POMT2: variants seen among roughly 807,000 people sequenced by gnomAD.
POMT2 encodes the protein protein O-mannosyl-transferase 2.
POMT2 carries 75 observed loss-of-function variants against 100.0 expected under a neutral mutation model. That is an observed-to-expected ratio of 0.75 (90% CI 0.62 to 0.91). The LOEUF is 0.91. Among genes scored for constraint, POMT2 ranks in the 40% least tolerant of loss-of-function variants. The pLI, the probability that POMT2 is intolerant of heterozygous loss-of-function variation, is 0.00. For synonymous variants in POMT2, 378 were observed against 374.1 expected, an observed-to-expected ratio of 1.01 and a Z score of -0.12; for missense variants, 940 against 955.1, an observed-to-expected ratio of 0.98 and a Z score of 0.21.
At chr14:77,304,935 T>C in intron 3 of POMT2, 135 bp from the exon 4 acceptor site, 3 of 1,437,562 alleles carry the variant, frequency 2.1e-6, no homozygotes, top group South Asian at 2.5e-5. Flanking sequence ...TCACCTAGGA[T>C]ATCTATAACT....
In POMT2 at chr14:77,278,749, A is replaced by G. The variant is rs1890082324; in HGVS notation, c.2012T>C (p.Leu671Pro). The stretch of plus-strand genomic sequence containing the variant: ...CTGACCTGTCAACATGCTTGAGAAG[A>G]GCATGGCTGGGAAGTAGTGGTGGAA... ...LYFHHYFPAM[L>P]FSSMLTGILW... Residue 671 changes from leucine to proline, a missense_variant, in exon 19 of 21, where the codon CTC becomes CCC. Coordinates refer to ENST00000261534, the MANE Select transcript of POMT2 (RefSeq NM_013382.7). 2 of 1,613,838 alleles carry G rather than the reference A, an allele frequency of 1.2e-6. No individual in the cohort carries two copies.
At chr14:77,309,625 T>A (rs147353915) in intron 2 of POMT2, among the ~76,000 whole-genome samples, 3 of 152,274 alleles carry the variant, frequency 2.0e-5, no homozygotes, top group African/African-American at 7.2e-5. Flanking sequence ...CACTTCTCCC[T>A]TCACACGGGC....
At chr14:77,307,136 C>G (rs1041210102) in intron 2 of POMT2, among the ~76,000 whole-genome samples, 1 of 152,148 alleles carries the variant, frequency 6.6e-6, no homozygotes, top group African/African-American at 2.4e-5. Context: ...CCTTGGCCAT[C>G]AACATTATAA....
intron 2 of POMT2, among the ~76,000 whole-genome samples, chr14:77,309,574 CA>C (rs1891363769): frequency 1.3e-5 from 2 of 152,180 alleles, no homozygotes; most frequent in African/African-American, 4.8e-5. Context: ...ATTAGGGGTG[CA>C]GATGGGCCGC....
chr14:77,284,025 G>A (rs1785192866), intron 14 of POMT2, 152 bp from the exon 15 acceptor site: 1 of 720,300 alleles, frequency 1.4e-6, no homozygotes, highest in Admixed American at 2.0e-5. Context: ...CCCAATTCTT[G>A]ATCATTTACT....
At chr14:77,279,960 C>T (rs370646532) in intron 17 of POMT2, 32 bp from the exon 18 acceptor site, 105 of 1,614,142 alleles carry the variant, frequency 6.5e-5, no homozygotes, top group Admixed American at 4.5e-4. Flanking sequence ...CAGATGAGAA[C>T]GCAGCCGCTC....
At chr14:77,279,153 T>C (rs2140163657) in intron 18 of POMT2, 1 of 508,844 alleles carries the variant, frequency 2.0e-6, no homozygotes, top group East Asian at 3.7e-5. Context: ...GCAGACAGCT[T>C]CACTCCCTAC....
intron 1 of POMT2, among the ~76,000 whole-genome samples, chr14:77,318,117 C>T (rs568633968): frequency 6.6e-6 from 1 of 152,244 alleles, no homozygotes; most frequent in Non-Finnish European, 1.5e-5. Flanking sequence ...AGAAACAATC[C>T]TGGCATCTGG....
At chr14:77,296,360 C>T (rs1193405761) in intron 8 of POMT2, 87 bp from the exon 9 acceptor site, 2 of 882,484 alleles carry the variant, frequency 2.3e-6, no homozygotes, top group East Asian at 2.6e-5. Flanking sequence ...AGCCACAGGG[C>T]TCACTAACCC....
At chr14:77,285,183 A>G (rs780964708) in intron 13 of POMT2, 142 bp from the exon 14 acceptor site, 6 of 838,470 alleles carry the variant, frequency 7.2e-6, no homozygotes, top group South Asian at 2.9e-5. Flanking sequence ...ATGTTGGACA[A>G]CTATCCTAGG....
chr14:77,290,528 G>A (rs1890600697), intron 10 of POMT2, among the ~76,000 whole-genome samples: 1 of 152,320 alleles, frequency 6.6e-6, no homozygotes, highest in South Asian at 2.1e-4. Context: ...TAAGCCAGGT[G>A]GGATTTGCTG....
rs775177109 is a variant in POMT2, at chr14:77,302,960, C to T, written c.548-17G>A. ...ATCCCGTGTCTGAAAAACATGAGCT[C>T]GCTGGTGAAAAAGCGAGGTAAGAGA... is the stretch of plus-strand genomic sequence containing the variant. On this transcript the variant is annotated splice_polypyrimidine_tract_variant and intron_variant, in intron 4 of 20. Transcript: ENST00000261534. 8.2e-6 allele frequency: 13 copies of T among 1,591,944 alleles called. No individual in the cohort carries two copies. The highest frequency in any genetic ancestry group is 1.7e-5 in the Admixed American group (1 of 59,064).
rs907279495 is a variant in POMT2 at position 77,306,436 on chromosome 14, C to T, written c.339G>A (p.Leu113=). The T allele has an allele frequency of 1.2e-5, 20 of 1,612,330 alleles. No homozygotes were observed. The Admixed American group carries it at 2.3e-4, about 19-fold the overall frequency. The change falls in exon 3 of 21, where the codon CTG becomes CTA. Residue 113 remains leucine (L), a synonymous_variant. Coordinates refer to ENST00000261534, the MANE Select transcript of POMT2 (RefSeq NM_013382.7). ...FDVHPPLGKM[L]IGLAGYLSGY... The stretch of plus-strand genomic sequence containing the variant: ...CACTCAGGTAGCCAGCAAGACCTAT[C>T]AGCATCTGAGGAGAGAAGAACAAAC...
At chr14:77,298,833 G>A in intron 7 of POMT2, 62 bp from the exon 8 acceptor site, 1 of 1,432,686 alleles carries the variant, frequency 7.0e-7, no homozygotes, top group Non-Finnish European at 9.7e-7. Context: ...GATTTCCCAG[G>A]AGCGCTGGGA....
intron 15 of POMT2, among the ~76,000 whole-genome samples, chr14:77,281,789 C>T (rs956381234): frequency 1.3e-5 from 2 of 152,194 alleles, no homozygotes; most frequent in Non-Finnish European, 2.9e-5. Flanking sequence ...TACCCTCAAC[C>T]CCTCAGTTTC....
intron 1 of POMT2, among the ~76,000 whole-genome samples, chr14:77,317,044 A>G (rs1481512513): frequency 1.3e-5 from 2 of 152,210 alleles, no homozygotes; most frequent in Admixed American, 6.5e-5. Context: ...GACTGCTGCC[A>G]TAGCCACCTG....
In POMT2 at chr14:77,278,485, G is replaced by A. The variant is rs727502859; in HGVS notation, c.2056C>T (p.Arg686Trp). 152 of 1,491,716 alleles carry A rather than the reference G, an allele frequency of 1.0e-4. No individual in the cohort carries two copies. The highest frequency in any genetic ancestry group is 1.3e-4 in the Non-Finnish European group (140 of 1,094,746). The allele number at this position is 1,491,716 out of a possible 1,614,324, so 92.4% of individuals were successfully genotyped here. A position where few individuals can be genotyped will look rare whatever the true frequency, so the allele number is the denominator to read the frequency against. The change falls in exon 20 of 21, where the codon CGG becomes TGG. Residue 686 changes from arginine to tryptophan, a missense_variant. Coordinates refer to ENST00000261534, the MANE Select transcript of POMT2 (RefSeq NM_013382.7). ...GAGGCCAAGCCCCAGGCACAGAGCC[G>A]CAGGAGGGTGTCCCACAGAATGCCT... Reference protein sequence around the residue: ...LTGILWDTLLRLCAWGLASWP... With the variant: ...LTGILWDTLLWLCAWGLASWP...
chr14:77,283,824 C>T lies in POMT2; in HGVS notation c.1626G>A (p.Leu542=). ...DVLQPSFPEI[L]LESHMVMIRG... ...GGATCATGACCATGTGGGATTCCAG[C>T]AAGATCTCAGGAAAACTGGGCTGTA... Residue 542 remains leucine, a synonymous_variant, in exon 15 of 21, where the codon TTG becomes TTA. Coordinates refer to ENST00000261534, the MANE Select transcript of POMT2 (RefSeq NM_013382.7). The T allele has an allele frequency of 6.2e-7, 1 of 1,612,982 alleles. No homozygotes were observed. The highest frequency in any genetic ancestry group is 8.5e-7 in the Non-Finnish European group (1 of 1,178,956).
In POMT2 at chr14:77,298,682, C is replaced by T. The variant is rs1890915723; in HGVS notation, c.1006+7G>A. On this transcript the variant is annotated splice_region_variant and intron_variant, in intron 8 of 20. Coordinates refer to ENST00000261534, the MANE Select transcript of POMT2 (RefSeq NM_013382.7). ...TTCTACCTTTGTAATGGCCCAGAGA[C>T]ACTCACGTTCAGGGATGGAAGCATT... 6.2e-7 allele frequency: 1 copy of T among 1,613,610 alleles called. No homozygotes were observed.
Sources: allele counts gnomAD v4.1 joint callset (sites outside exome capture counted in the v4.1 genomes callset), GRCh38; gene constraint gnomAD v4.1.1; transcripts MANE v1.5; gene names NCBI Gene and HGNC (gene_info 2026-07-23, HGNC 2026-07-21).